PPP4R2: variants seen among roughly 807,000 people sequenced by gnomAD.
PPP4R2 encodes serine/threonine-protein phosphatase 4 regulatory subunit 2.
PPP4R2 carries 13 observed loss-of-function variants against 47.2 expected under a neutral mutation model. The ratio of observed to expected loss-of-function variants is 0.28; its 90% CI spans 0.18 to 0.44. PPP4R2 has a LOEUF of 0.44. Among genes scored for constraint, PPP4R2 ranks in the 20% least tolerant of loss-of-function variants. The pLI is 1.00. For synonymous variants in PPP4R2, 151 were observed against 163.3 expected, an observed-to-expected ratio of 0.92 and a Z score of 0.57; for missense variants, 421 against 491.2, an observed-to-expected ratio of 0.86 and a Z score of 1.35.
At chr3:73,028,789 G>A (rs1341086114) in intron 2 of PPP4R2, among the ~76,000 whole-genome samples, 1 of 152,098 alleles carries the variant, frequency 6.6e-6, no homozygotes, top group Non-Finnish European at 1.5e-5. Flanking sequence ...TAGGACTAGT[G>A]TGTCTAGCCC....
At chr3:73,013,355 T>C (rs533667068) in intron 2 of PPP4R2, among the ~76,000 whole-genome samples, 23 of 152,338 alleles carry the variant, frequency 1.5e-4, no homozygotes, top group African/African-American at 5.3e-4. Flanking sequence ...TTGGTGAGAA[T>C]AACTGCATTT....
intron 2 of PPP4R2, among the ~76,000 whole-genome samples, chr3:73,000,702 TA>T (rs1701440655): frequency 6.6e-6 from 1 of 152,204 alleles, no homozygotes; most frequent in Non-Finnish European, 1.5e-5. Flanking sequence ...TGTATATAAC[TA>T]AAATAATTAA....
chr3:72,997,289 G>C, intron 1 of PPP4R2: 1 of 407,482 alleles, frequency 2.5e-6, no homozygotes, highest in Non-Finnish European at 4.4e-6. Flanking sequence ...CGTCTGGGCT[G>C]GGGGAGGGGA....
intron 2 of PPP4R2, among the ~76,000 whole-genome samples, chr3:73,020,672 T>TTAAAAA (rs59905202): frequency 0.11 from 14,761 of 132,954 alleles, 1,045 homozygotes; most frequent in East Asian, 0.28. Context: ...CCTGTCTCTT[T>TTAAAAA]AAAAAAAAAA....
rs1282114862 is a variant in PPP4R2 at position 73,057,588 on chromosome 3, G to A, written c.288-1449G>A. 2.0e-5 allele frequency among the ~76,000 whole-genome samples: 3 copies of A among 152,140 alleles called. No homozygotes were observed. The East Asian group carries it at 5.8e-4, about 29-fold the overall frequency. On this transcript the variant is annotated intron_variant, in intron 3 of 8. Transcript: ENST00000356692. ...GTTTGAGACAAAAGATTGATTCTTGGACTCTCAAATTTATCTAAAAACATT... is the reference window on the plus strand; with the variant it reads ...GTTTGAGACAAAAGATTGATTCTTGAACTCTCAAATTTATCTAAAAACATT...
At chr3:73,005,478 CTA>C (rs1701588952) in intron 2 of PPP4R2, among the ~76,000 whole-genome samples, 1 of 151,662 alleles carries the variant, frequency 6.6e-6, no homozygotes, top group African/African-American at 2.4e-5. Flanking sequence ...GGGAGGGAGA[CTA>C]TATTGCTGCA....
chr3:73,057,169 C>T (rs969771863), intron 3 of PPP4R2, among the ~76,000 whole-genome samples: 4 of 151,976 alleles, frequency 2.6e-5, no homozygotes, highest in African/African-American at 9.7e-5. Flanking sequence ...CTGGGTTTCA[C>T]GGACAGACAA....
intron 1 of PPP4R2, 157 bp downstream of exon 1, chr3:72,997,228 C>T (rs914177948): frequency 2.3e-5 from 11 of 488,128 alleles, no homozygotes; most frequent in African/African-American, 1.4e-4. Flanking sequence ...GGGCGGGGAG[C>T]CCTGTGGGCA....
chr3:73,004,247 C>T (rs572533590), intron 2 of PPP4R2, among the ~76,000 whole-genome samples: 86 of 151,192 alleles, frequency 5.7e-4, no homozygotes, highest in Non-Finnish European at 8.7e-4. Flanking sequence ...CGCTATATTG[C>T]CCAGGCAGGT....
chr3:73,055,175 T>C (rs990385666), intron 3 of PPP4R2, among the ~76,000 whole-genome samples: 12 of 152,202 alleles, frequency 7.9e-5, no homozygotes, highest in African/African-American at 2.7e-4. Context: ...CATGTGTGCC[T>C]TCCCACAATC....
At chr3:73,003,025 G>A (rs1701510952) in intron 2 of PPP4R2, among the ~76,000 whole-genome samples, 1 of 151,912 alleles carries the variant, frequency 6.6e-6, no homozygotes, top group Non-Finnish European at 1.5e-5. Flanking sequence ...AGGATGTCTT[G>A]TAATTACTGA....
intron 2 of PPP4R2, among the ~76,000 whole-genome samples, chr3:73,030,127 G>A (rs1364505434): frequency 1.3e-5 from 2 of 152,218 alleles, no homozygotes; most frequent in African/African-American, 4.8e-5. Context: ...AGAAATATCA[G>A]TGTATTTATA....
chr3:73,004,341 T>C (rs1701550041), intron 2 of PPP4R2, among the ~76,000 whole-genome samples: 1 of 152,234 alleles, frequency 6.6e-6, no homozygotes, highest in Non-Finnish European at 1.5e-5. Flanking sequence ...GTGCCTGGCA[T>C]GTGCCCTTTA....
intron 2 of PPP4R2, among the ~76,000 whole-genome samples, chr3:73,029,665 T>C (rs772921500): frequency 3.3e-5 from 5 of 152,144 alleles, no homozygotes; most frequent in Middle Eastern, 3.2e-3. Context: ...GGTGGATGAT[T>C]GGGGATCAGG....
At chr3:73,051,012 T>A (rs547369251) in intron 3 of PPP4R2, among the ~76,000 whole-genome samples, 36 of 152,326 alleles carry the variant, frequency 2.4e-4, no homozygotes, top group African/African-American at 8.7e-4. Context: ...CCTCCTGGGT[T>A]CAGGCGATTC....
rs148490179 is a variant in PPP4R2, at chr3:73,007,226, A to G, written c.116+9068A>G. On this transcript the variant is annotated intron_variant, in intron 2 of 8. Coordinates refer to ENST00000356692, the MANE Select transcript of PPP4R2 (RefSeq NM_174907.4). ...TTGGTATGCAGAGTAAATGCTTGAT[A>G]ATAATACTCGTTGTTATGTTGTTGA... 5.2e-3 allele frequency among the ~76,000 whole-genome samples: 787 copies of G among 152,332 alleles called. 7 individuals carry two copies. Among genetic ancestry groups the G allele is most frequent in the African/African-American group, 0.018 (758 of 41,578 alleles).
At position 73,042,875 on chromosome 3, in the gene PPP4R2, T is replaced by C. The variant is rs567699527; in HGVS notation, c.117-4311T>C. 1.1e-3 allele frequency among the ~76,000 whole-genome samples: 167 copies of C among 152,304 alleles called. 1 individual carries two copies. Among genetic ancestry groups the C allele is most frequent in the Non-Finnish European group, 1.6e-3 (106 of 68,016 alleles). On this transcript the variant is annotated intron_variant, in intron 2 of 8. Coordinates refer to ENST00000356692, the MANE Select transcript of PPP4R2 (RefSeq NM_174907.4). The stretch of plus-strand genomic sequence containing the variant: ...AAGACTACAGTGTGTTCATAATTCA[T>C]GTCAATTTATGGGGCTTAATTTCTG...
intron 6 of PPP4R2, 65 bp from the exon 7 acceptor site, chr3:73,063,938 A>G: frequency 7.0e-7 from 1 of 1,432,448 alleles, no homozygotes; most frequent in Non-Finnish European, 9.6e-7. Flanking sequence ...TATTCACATC[A>G]ACATACCTTA....
intron 3 of PPP4R2, among the ~76,000 whole-genome samples, chr3:73,052,623 A>T (rs1437853583): frequency 6.6e-6 from 1 of 152,198 alleles, no homozygotes. Flanking sequence ...CATTCCTGGC[A>T]GTTTTAAAAG....
Sources: allele counts gnomAD v4.1 joint callset (sites outside exome capture counted in the v4.1 genomes callset), GRCh38; gene constraint gnomAD v4.1.1; transcripts MANE v1.5; gene names NCBI Gene and HGNC (gene_info 2026-07-23, HGNC 2026-07-21).